The following CALCR variants were observed in gnomAD, a reference collection of about 807,000 sequenced individuals.
The protein encoded by CALCR is calcitonin receptor.
CALCR carries 47 observed loss-of-function variants against 59.5 expected under a neutral mutation model. The observed-to-expected ratio is 0.79, with a 90% CI of 0.63 to 1.01. CALCR has a LOEUF of 1.01. Among genes scored for constraint, CALCR ranks in the 50% least tolerant of loss-of-function variants. The probability of loss-of-function intolerance (pLI) is 0.00; values close to 1 mark genes in which losing one functional copy is unlikely to be tolerated. For missense variants in CALCR, 566 were observed against 597.1 expected (o/e 0.95, Z 0.54); for synonymous variants, 213 against 211.3 (o/e 1.01, Z -0.07).
intron 2 of CALCR, among the ~76,000 whole-genome samples, chr7:93,531,235 A>C (rs527961742): frequency 6.6e-6 from 1 of 152,164 alleles, no homozygotes; most frequent in Non-Finnish European, 1.5e-5. Context: ...ATTTCTCAAC[A>C]TAACGCTATA....
rs919541916 is a variant in CALCR, at chr7:93,462,111, C to G, written c.522-1164G>C. On this transcript the variant is annotated intron_variant, in intron 7 of 13. Coordinates refer to ENST00000426151, the MANE Select transcript of CALCR (RefSeq NM_001742.4). ...CAAAGGAAAAATAGTTGTCAATTTT[C>G]TGCAATAAAAAGCAATTTAAGTAAT... The G allele has an allele frequency of 5.4e-6, 8 of 1,487,980 alleles. No homozygotes were observed. In the Admixed American group the frequency reaches 6.1e-5, roughly 11 times the overall value. The allele number at this position is 1,487,980 out of a possible 1,614,324, so 92.2% of individuals were successfully genotyped here.
At chr7:93,483,582 A>G (rs188900456) in intron 3 of CALCR, among the ~76,000 whole-genome samples, 22 of 151,408 alleles carry the variant, frequency 1.5e-4, no homozygotes, top group Middle Eastern at 3.5e-3. Context: ...CAAATTTCAT[A>G]AAGTTTATTA....
intron 2 of CALCR, among the ~76,000 whole-genome samples, chr7:93,530,562 T>C (rs1030662367): frequency 6.6e-5 from 10 of 152,152 alleles, no homozygotes; most frequent in African/African-American, 2.2e-4. Context: ...TTAGAGATCT[T>C]TGACATGCTC....
intron 2 of CALCR, among the ~76,000 whole-genome samples, chr7:93,513,094 C>G (rs1801581310): frequency 6.6e-6 from 1 of 152,116 alleles, no homozygotes; most frequent in South Asian, 2.1e-4. Flanking sequence ...CCACACTGTT[C>G]TGCACTCTAG....
chr7:93,527,508 A>C (rs570895232), intron 2 of CALCR, among the ~76,000 whole-genome samples: 1 of 152,238 alleles, frequency 6.6e-6, no homozygotes, highest in South Asian at 2.1e-4. Context: ...TAATTGCTTA[A>C]ATTTTTTGTA....
intron 2 of CALCR, among the ~76,000 whole-genome samples, chr7:93,529,053 A>C (rs1788759149): frequency 1.3e-5 from 2 of 152,210 alleles, no homozygotes; most frequent in African/African-American, 4.8e-5. Flanking sequence ...TGAATGAATG[A>C]CATCTGGACA....
intron 6 of CALCR, among the ~76,000 whole-genome samples, chr7:93,470,018 A>G (rs1800519312): frequency 6.6e-6 from 1 of 151,762 alleles, no homozygotes; most frequent in Non-Finnish European, 1.5e-5. Flanking sequence ...TCCTGAAATG[A>G]ACATTCCTTT....
intron 13 of CALCR, among the ~76,000 whole-genome samples, chr7:93,429,930 G>GTTTT (rs1491050136): frequency 6.6e-5 from 7 of 105,358 alleles, no homozygotes; most frequent in East Asian, 3.3e-4. Flanking sequence ...TTTTTTGTTT[G>GTTTT]TTTGTTTTTT....
At chr7:93,547,062 C>T (rs149305456) in intron 2 of CALCR, among the ~76,000 whole-genome samples, 2 of 152,276 alleles carry the variant, frequency 1.3e-5, no homozygotes, top group Non-Finnish European at 2.9e-5. Flanking sequence ...AGACAGATCT[C>T]ACCTGACTCT....
chr7:93,462,087 A>G (rs780085629), intron 7 of CALCR: 1 of 1,504,458 alleles, frequency 6.6e-7, no homozygotes, highest in Admixed American at 2.0e-5. Context: ...TTTCCAATTC[A>G]AAGGAAAAAT....
chr7:93,435,690 C>T (rs529628847), intron 12 of CALCR, among the ~76,000 whole-genome samples: 42 of 151,976 alleles, frequency 2.8e-4, no homozygotes, highest in Non-Finnish European at 6.2e-4. Flanking sequence ...CCTGTAATCC[C>T]AGCTACTCAG....
At chr7:93,460,566 A>ATATATATATATAT (rs1399357588) in intron 8 of CALCR, among the ~76,000 whole-genome samples, 7 of 82,268 alleles carry the variant, frequency 8.5e-5, no homozygotes, top group African/African-American at 6.9e-4. Flanking sequence ...AAAAAAAAAA[A>ATATATATATATAT]AAAAAAATAT....
chr7:93,456,580 T>C (rs1319001545), intron 8 of CALCR, among the ~76,000 whole-genome samples: 1 of 152,158 alleles, frequency 6.6e-6, no homozygotes, highest in Non-Finnish European at 1.5e-5. Context: ...TCCAAAATAG[T>C]ATAAATTCAT....
In CALCR at chr7:93,438,059, C is replaced by G; in HGVS notation, c.930+1G>C. 6.2e-7 allele frequency: 1 copy of G among 1,613,138 alleles called. No homozygotes were observed. The highest frequency in any genetic ancestry group is 8.5e-7 in the Non-Finnish European group (1 of 1,179,304). On this transcript the variant is annotated splice_donor_variant, in intron 11 of 13. Transcript: ENST00000426151. LOFTEE classifies it high-confidence loss of function. ...TATTGCAATAAAAAACTAATTCTCA[C>G]CACAAGTGCCGCCATGACAGGTCCA...
intron 8 of CALCR, among the ~76,000 whole-genome samples, chr7:93,446,346 C>T (rs940124292): frequency 2.6e-5 from 4 of 151,912 alleles, no homozygotes; most frequent in East Asian, 1.9e-4. Context: ...GCACTTAGAT[C>T]GGTGTTTCAT....
intron 9 of CALCR, among the ~76,000 whole-genome samples, chr7:93,439,953 AAGAACC>A (rs1799865399): frequency 6.6e-6 from 1 of 152,140 alleles, no homozygotes; most frequent in Non-Finnish European, 1.5e-5. Context: ...TAACTACTGA[AAGAACC>A]ATTCTTTGAT....
intron 2 of CALCR, among the ~76,000 whole-genome samples, chr7:93,541,214 G>A (rs760800960): frequency 6.6e-6 from 1 of 151,892 alleles, no homozygotes; most frequent in African/African-American, 2.4e-5. Context: ...TCACTGTGTC[G>A]CCAGGCTGGA....
At chr7:93,519,651 A>G (rs1252231564) in intron 2 of CALCR, among the ~76,000 whole-genome samples, 2 of 152,048 alleles carry the variant, frequency 1.3e-5, no homozygotes, top group Non-Finnish European at 2.9e-5. Flanking sequence ...TGATATGGTT[A>G]GGCTCTGTGT....
At chr7:93,436,845 T>C (rs774999760) in intron 11 of CALCR, among the ~76,000 whole-genome samples, 3 of 152,326 alleles carry the variant, frequency 2.0e-5, no homozygotes, top group African/African-American at 4.8e-5. Context: ...CCCACACATA[T>C]GCAGTTGCTA....
Sources: allele counts gnomAD v4.1 joint callset (sites outside exome capture counted in the v4.1 genomes callset), GRCh38; gene constraint gnomAD v4.1.1; transcripts MANE v1.5; gene names NCBI Gene and HGNC (gene_info 2026-07-23, HGNC 2026-07-21).